Variants in TUBGCP3 observed in about 807,000 individuals in gnomAD.
TUBGCP3 encodes the protein gamma-tubulin complex component 3.
Under a neutral mutation model 123.1 loss-of-function variants are expected in TUBGCP3, and 50 were observed. The ratio of observed to expected loss-of-function variants is 0.41; its 90% CI spans 0.32 to 0.51. The LOEUF is 0.51. TUBGCP3 is among the 20% of genes least tolerant of loss of function. The pLI is 0.36. For synonymous variants in TUBGCP3, 405 were observed against 413.9 expected (o/e 0.98, Z 0.26); for missense variants, 882 against 1,127.0 (o/e 0.78, Z 3.11).
In TUBGCP3 at chr13:112,524,371, C is replaced by A. The variant is rs774894467; in HGVS notation, c.1556-1862G>T. ...GGTACAGGGGCCGCCAGCAGCACAG[C>A]AGACGCGGTGCTCACACAAGCAGCA... On this transcript the variant is annotated intron_variant, in intron 13 of 21. Coordinates refer to ENST00000261965, the MANE Select transcript of TUBGCP3 (RefSeq NM_006322.6). The surrounding 1 kb of genome is among the most constrained non-coding windows in gnomAD (Gnocchi z 4.4). Among the ~76,000 whole-genome samples the A allele has an allele frequency of 5.3e-5, 8 of 152,168 alleles. No individual in the cohort carries two copies. Among genetic ancestry groups the A allele is most frequent in the Non-Finnish European group, 1.2e-4 (8 of 68,038 alleles).
At chr13:112,516,999 CTTTTA>C (rs961764882) in intron 16 of TUBGCP3, among the ~76,000 whole-genome samples, 4 of 152,008 alleles carry the variant, frequency 2.6e-5, no homozygotes, top group South Asian at 2.1e-4. Context: ...CACCCATTTA[CTTTTA>C]TTTTGTTTTT....
chr13:112,534,926 A>G (rs1877922641), intron 11 of TUBGCP3, among the ~76,000 whole-genome samples: 1 of 152,218 alleles, frequency 6.6e-6, no homozygotes, highest in Non-Finnish European at 1.5e-5. Context: ...GTACCCATTA[A>G]GCAGTCACTC....
chr13:112,598,686 T>C, the TUBGCP3 span, among the ~76,000 whole-genome samples: 3 of 152,310 alleles, frequency 2.0e-5, no homozygotes, highest in African/African-American at 7.2e-5. Context: ...GGCTCATGCC[T>C]GTAATCCGAG....
intron 11 of TUBGCP3, among the ~76,000 whole-genome samples, chr13:112,544,283 C>T (rs1336331267): frequency 6.6e-6 from 1 of 151,946 alleles, no homozygotes; most frequent in Non-Finnish European, 1.5e-5. Context: ...GAAACCCCGT[C>T]TCTACTAAAA....
chr13:112,539,210 T>C (rs573108598), intron 11 of TUBGCP3, among the ~76,000 whole-genome samples: 2 of 152,300 alleles, frequency 1.3e-5, no homozygotes, highest in East Asian at 3.9e-4. Context: ...AGACAAGCAC[T>C]ATCATACACA....
At position 112,547,605 on chromosome 13, in the gene TUBGCP3, A is replaced by G. The variant is rs936745581; in HGVS notation, c.1168+15T>C. 1 of 1,484,648 alleles carries G rather than the reference A, an allele frequency of 6.7e-7. No individual in the cohort carries two copies. Among genetic ancestry groups the G allele is most frequent in the East Asian group, 2.5e-5 (1 of 40,542 alleles). The allele number at this position is 1,484,648 out of a possible 1,614,324, so 92.0% of individuals were successfully genotyped here. A position where few individuals can be genotyped will look rare whatever the true frequency, so the allele number is the denominator to read the frequency against. On this transcript the variant is annotated intron_variant, in intron 10 of 21. Transcript: ENST00000261965. ...CGCGTGGGAAAGACGTGCGTGGGAA[A>G]GACGCGCGTGGGACCTTGGCAGTGG...
intron 1 of TUBGCP3, among the ~76,000 whole-genome samples, chr13:112,570,320 C>G (rs1334027876): frequency 6.6e-6 from 1 of 152,184 alleles, no homozygotes; most frequent in African/African-American, 2.4e-5. Flanking sequence ...AACAAGCACA[C>G]GGGTCTTTGT....
chr13:112,594,328 A>G, the TUBGCP3 span, among the ~76,000 whole-genome samples: 1 of 152,240 alleles, frequency 6.6e-6, no homozygotes, highest in Non-Finnish European at 1.5e-5. Context: ...AACATCTGAA[A>G]GCCAATTAAT....
At chr13:112,553,536 G>A (rs1210040335) in intron 8 of TUBGCP3, among the ~76,000 whole-genome samples, 1 of 152,252 alleles carries the variant, frequency 6.6e-6, no homozygotes, top group Non-Finnish European at 1.5e-5. Context: ...AGAAGCAGCA[G>A]CAGCTCCCTC....
rs149033590 is a variant in TUBGCP3, at chr13:112,558,421, G to C, written c.331-8C>G. On this transcript the variant is annotated splice_polypyrimidine_tract_variant and splice_region_variant and intron_variant, in intron 4 of 21. Coordinates refer to ENST00000261965, the MANE Select transcript of TUBGCP3 (RefSeq NM_006322.6). ...CGTAGCATAGCTAGAAACCTGAAAA[G>C]AGAAACACACTAAGAGCAGAGACAG... 1.3e-6 allele frequency: 2 copies of C among 1,536,298 alleles called. No homozygotes were observed. The highest frequency in any genetic ancestry group is 1.9e-5 in the Admixed American group (1 of 53,356).
chr13:112,558,561 A>G (rs900134713), intron 4 of TUBGCP3, 148 bp from the exon 5 acceptor site: 1 of 708,640 alleles, frequency 1.4e-6, no homozygotes, highest in African/African-American at 1.8e-5. Context: ...ATTAGATGTT[A>G]TGCTTTTGAA....
At chr13:112,514,710 T>C (rs1046783902) in intron 17 of TUBGCP3, among the ~76,000 whole-genome samples, 1 of 152,212 alleles carries the variant, frequency 6.6e-6, no homozygotes, top group Non-Finnish European at 1.5e-5. Flanking sequence ...GATCTGATAA[T>C]ATCAATAGAG....
intron 11 of TUBGCP3, among the ~76,000 whole-genome samples, chr13:112,533,097 G>A (rs567092019): frequency 2.0e-5 from 3 of 152,346 alleles, no homozygotes; most frequent in East Asian, 3.9e-4. Flanking sequence ...CAGGAAGGAA[G>A]ACAGGAGAAA....
Position 112,504,187 on chromosome 13 carries a change from G to A in TUBGCP3, c.2176-24C>T, listed in dbSNP as rs199549355. ...ACCTGGGAAACAACAATTTAAAGAC[G>A]CTAGATAAGCTCATGTCCTTCCTAG... On this transcript the variant is annotated intron_variant, in intron 18 of 21. Transcript: ENST00000261965. 2.3e-5 allele frequency: 37 copies of A among 1,613,774 alleles called. No homozygotes were observed. In the East Asian group the frequency reaches 4.5e-4, roughly 19 times the overall value.
At chr13:112,530,627 C>T (rs1268724108) in intron 11 of TUBGCP3, among the ~76,000 whole-genome samples, 3 of 152,170 alleles carry the variant, frequency 2.0e-5, no homozygotes, top group Non-Finnish European at 4.4e-5. Flanking sequence ...ATTTTGGGAT[C>T]CACAGGGGTC....
At chr13:112,579,985 A>G (rs1189042218) in intron 1 of TUBGCP3, among the ~76,000 whole-genome samples, 2 of 152,246 alleles carry the variant, frequency 1.3e-5, no homozygotes, top group East Asian at 3.8e-4. Flanking sequence ...ACAATGGAAC[A>G]CTACTCTGCA....
intron 20 of TUBGCP3, 84 bp downstream of exon 20, chr13:112,498,961 G>C: frequency 6.2e-7 from 1 of 1,614,192 alleles, no homozygotes; most frequent in Middle Eastern, 1.6e-4. Flanking sequence ...TGGCAAGAAA[G>C]TTATTTGTTG....
intron 2 of TUBGCP3, among the ~76,000 whole-genome samples, chr13:112,566,630 C>T (rs1880969721): frequency 6.6e-6 from 1 of 152,130 alleles, no homozygotes; most frequent in African/African-American, 2.4e-5. Flanking sequence ...GTATTTACAA[C>T]ATATAAATAG....
At chr13:112,512,482 C>T (rs1881738916) in intron 17 of TUBGCP3, among the ~76,000 whole-genome samples, 1 of 150,842 alleles carries the variant, frequency 6.6e-6, no homozygotes, top group Non-Finnish European at 1.5e-5. Flanking sequence ...GCCTGTAATC[C>T]CAGCACTGGG....
Sources: allele counts gnomAD v4.1 joint callset (sites outside exome capture counted in the v4.1 genomes callset), GRCh38; gene constraint gnomAD v4.1.1; non-coding constraint Gnocchi (gnomAD v3.1); transcripts MANE v1.5; gene names NCBI Gene and HGNC (gene_info 2026-07-23, HGNC 2026-07-21).